The following ZNHIT6 variants were observed in gnomAD, a reference collection of about 807,000 sequenced individuals.
ZNHIT6 encodes the protein zinc finger HIT-type containing 6, also known as box C/D snoRNA protein 1.
Under a neutral mutation model 57.2 loss-of-function variants are expected in ZNHIT6, and 45 were observed. The observed-to-expected ratio is 0.79, with a 90% CI of 0.62 to 1.01. The LOEUF is 1.01. ZNHIT6 is among the 50% of genes least tolerant of loss of function. ZNHIT6 has a pLI of 0.00. For missense variants in ZNHIT6, 528 were observed against 567.3 expected (o/e 0.93, Z 0.70); for synonymous variants, 188 against 190.0 (o/e 0.99, Z 0.09).
chr1:85,704,398 T>C (rs1662620556), intron 4 of ZNHIT6, among the ~76,000 whole-genome samples: 2 of 152,044 alleles, frequency 1.3e-5, no homozygotes, highest in Non-Finnish European at 2.9e-5. Context: ...CGTAAACAAA[T>C]TGTGGTACAG....
intron 5 of ZNHIT6, among the ~76,000 whole-genome samples, chr1:85,687,308 A>AAAAAAAAAAAAAATT (rs1662088814): frequency 6.9e-6 from 1 of 145,142 alleles, no homozygotes; most frequent in Non-Finnish European, 1.5e-5. Flanking sequence ...ACAAAAAAAA[A>AAAAAAAAAAAAAATT]AAACAATTTA....
At chr1:85,706,384 T>C (rs977228816) in intron 2 of ZNHIT6, 29 bp from the exon 3 acceptor site, 6 of 1,613,650 alleles carry the variant, frequency 3.7e-6, no homozygotes, top group East Asian at 4.5e-5. Context: ...AGTACTTTTA[T>C]ATTTTAGGGT....
chr1:85,677,339 G>A, intron 7 of ZNHIT6, 26 bp from the exon 8 acceptor site: 2 of 1,574,420 alleles, frequency 1.3e-6, no homozygotes, highest in Non-Finnish European at 1.7e-6. Flanking sequence ...CATATTGAAG[G>A]AAAAGCTGAT....
Position 85,653,961 on chromosome 1 carries a change from C to A in ZNHIT6, c.*97G>T. 3 of 887,780 alleles carry A rather than the reference C, an allele frequency of 3.4e-6. No individual in the cohort carries two copies. Among genetic ancestry groups the A allele is most frequent in the Admixed American group, 2.5e-5 (1 of 39,446 alleles). 55.0% of individuals were successfully genotyped at this position (887,780 alleles called of 1,614,324 possible). A position where few individuals can be genotyped will look rare whatever the true frequency, so the allele number is the denominator to read the frequency against. On this transcript the variant is annotated 3_prime_UTR_variant, in exon 10 of 10. Coordinates refer to ENST00000370574, the MANE Select transcript of ZNHIT6 (RefSeq NM_017953.4). ...TTTCATACAAAGAAAAAATTCCAAT[C>A]ACCCATTGACAATACCCCAATCAGC... is the stretch of plus-strand genomic sequence containing the variant.
At chr1:85,685,791 T>C (rs1259667509) in intron 5 of ZNHIT6, among the ~76,000 whole-genome samples, 1 of 151,808 alleles carries the variant, frequency 6.6e-6, no homozygotes, top group African/African-American at 2.4e-5. Flanking sequence ...ACTCCTGAGC[T>C]CAAGTGACCC....
Position 85,652,724 on chromosome 1 carries a change from T to A in ZNHIT6, c.*1334A>T, listed in dbSNP as rs1660946348. 1 of 151,924 alleles carries A rather than the reference T, an allele frequency of 6.6e-6. No homozygotes were observed. Among genetic ancestry groups the A allele is most frequent in the South Asian group, 2.1e-4 (1 of 4,816 alleles). 9.4% of individuals were successfully genotyped at this position (151,924 alleles called of 1,614,324 possible). ...CTCTGGTTTCTTTTTGGTAAAAAAC[T>A]TATTCCAACTGTAACTAAAAATCAA... On this transcript the variant is annotated 3_prime_UTR_variant, in exon 10 of 10. Transcript: ENST00000370574.
chr1:85,668,225 C>T (rs1460338836), intron 8 of ZNHIT6, among the ~76,000 whole-genome samples: 2 of 151,538 alleles, frequency 1.3e-5, no homozygotes, highest in Admixed American at 6.6e-5. Flanking sequence ...AAATATATTA[C>T]AAACAAATTA....
intron 7 of ZNHIT6, among the ~76,000 whole-genome samples, chr1:85,677,539 A>T (rs991361079): frequency 6.6e-6 from 1 of 152,238 alleles, no homozygotes; most frequent in Non-Finnish European, 1.5e-5. Flanking sequence ...CAATAAATTA[A>T]TCTGGCTATA....
chr1:85,690,692 T>C (rs1189181537), intron 5 of ZNHIT6, among the ~76,000 whole-genome samples: 1 of 152,108 alleles, frequency 6.6e-6, no homozygotes, highest in Non-Finnish European at 1.5e-5. Flanking sequence ...GGTTTTCAGG[T>C]AGAGGTAAAC....
chr1:85,656,808 C>T (rs1661072779), intron 9 of ZNHIT6, among the ~76,000 whole-genome samples: 1 of 151,962 alleles, frequency 6.6e-6, no homozygotes, highest in African/African-American at 2.4e-5. Flanking sequence ...ACAATTTTGG[C>T]CACTTTGGAA....
At position 85,708,047 on chromosome 1, in the gene ZNHIT6, G is replaced by C; in HGVS notation, c.238C>G (p.Gln80Glu). Reference protein sequence around the residue: ...EIPMDLTVVKQEIIDWPGTEG... With the variant: ...EIPMDLTVVKEEIIDWPGTEG... ...GTACCTGGCCAGTCTATAATTTCCTGCTTCACTACCGTTAGGTCCATCGGT... is the reference window on the plus strand; with the variant it reads ...GTACCTGGCCAGTCTATAATTTCCTCCTTCACTACCGTTAGGTCCATCGGT... Residue 80 changes from glutamine to glutamate, a missense_variant, in exon 1 of 10, where the codon CAG (glutamine) becomes GAG (glutamate). Gln to Glu is a conservative substitution (Grantham distance 29). Transcript: ENST00000370574. The C allele has an allele frequency of 1.2e-6, 2 of 1,614,044 alleles. No individual in the cohort carries two copies. The highest frequency in any genetic ancestry group is 1.7e-6 in the Non-Finnish European group (2 of 1,180,014).
intron 5 of ZNHIT6, among the ~76,000 whole-genome samples, chr1:85,684,344 C>T (rs1661964888): frequency 6.6e-6 from 1 of 152,148 alleles, no homozygotes; most frequent in Non-Finnish European, 1.5e-5. Flanking sequence ...AGCTGTTTCC[C>T]TCTCCTCCTC....
intron 5 of ZNHIT6, among the ~76,000 whole-genome samples, chr1:85,682,232 G>T (rs984813329): frequency 3.9e-4 from 56 of 144,166 alleles, no homozygotes; most frequent in African/African-American, 1.4e-3. Flanking sequence ...CACTACGTTC[G>T]CCAGGATGGT....
At chr1:85,654,479 G>A (rs1336034450) in intron 9 of ZNHIT6, among the ~76,000 whole-genome samples, 1 of 152,052 alleles carries the variant, frequency 6.6e-6, no homozygotes, top group African/African-American at 2.4e-5. Flanking sequence ...GTCAGTATAT[G>A]TTGAGTGAAT....
chr1:85,654,603 T>G (rs952684542), intron 9 of ZNHIT6, among the ~76,000 whole-genome samples: 1 of 152,186 alleles, frequency 6.6e-6, no homozygotes, highest in African/African-American at 2.4e-5. Context: ...AGACTAACTA[T>G]GACTCACTCA....
chr1:85,703,771 A>G (rs1184396674), intron 4 of ZNHIT6, among the ~76,000 whole-genome samples: 2 of 152,188 alleles, frequency 1.3e-5, no homozygotes. Context: ...AAAGGAAACA[A>G]ATGATAAATT....
intron 8 of ZNHIT6, among the ~76,000 whole-genome samples, chr1:85,660,093 T>G (rs1570283276): frequency 6.6e-6 from 1 of 152,238 alleles, no homozygotes; most frequent in East Asian, 1.9e-4. Context: ...TATTTCTCTT[T>G]GAAATAAGCA....
intron 5 of ZNHIT6, among the ~76,000 whole-genome samples, chr1:85,685,301 A>C (rs1043914067): frequency 2.0e-5 from 3 of 152,214 alleles, no homozygotes; most frequent in African/African-American, 2.4e-5. Context: ...CATCATCAGA[A>C]AGTTGATTAA....
chr1:85,678,329 A>G (rs1477490753), intron 7 of ZNHIT6, among the ~76,000 whole-genome samples: 1 of 152,178 alleles, frequency 6.6e-6, no homozygotes, highest in African/African-American at 2.4e-5. Context: ...GGTTAAGAGT[A>G]AAGACTTTGA....
Sources: allele counts gnomAD v4.1 joint callset (sites outside exome capture counted in the v4.1 genomes callset), GRCh38; gene constraint gnomAD v4.1.1; transcripts MANE v1.5; gene names NCBI Gene and HGNC (gene_info 2026-07-23, HGNC 2026-07-21).